Variants in ADGRL2 observed in about 807,000 individuals in gnomAD.
ADGRL2 encodes calcium-independent alpha-latrotoxin receptor 2.
A neutral mutation model predicts 157.4 loss-of-function variants in ADGRL2; 44 were observed. The ratio of observed to expected loss-of-function variants is 0.28; its 90% CI spans 0.22 to 0.36. The LOEUF is 0.36. ADGRL2 is among the 10% of genes least tolerant of loss of function. The pLI, the probability that ADGRL2 is intolerant of heterozygous loss-of-function variation, is 1.00. For missense variants in ADGRL2, 1,510 were observed against 1,768.9 expected (o/e 0.85, Z 2.63); for synonymous variants, 585 against 624.7 (o/e 0.94, Z 0.95).
intron 2 of ADGRL2, among the ~76,000 whole-genome samples, chr1:81,880,241 A>T (rs1363508312): frequency 6.6e-6 from 1 of 152,000 alleles, no homozygotes; most frequent in Non-Finnish European, 1.5e-5. Flanking sequence ...TGCCTCAGAT[A>T]CTCCATCTGT....
intron 1 of ADGRL2, among the ~76,000 whole-genome samples, chr1:81,404,961 A>G (rs1372650490): frequency 6.6e-6 from 1 of 152,204 alleles, no homozygotes; most frequent in African/African-American, 2.4e-5. Context: ...TTTAGCAAAA[A>G]TTCTAAAAGC....
intron 1 of ADGRL2, among the ~76,000 whole-genome samples, chr1:81,747,011 C>T (rs1328948064): frequency 2.1e-5 from 3 of 145,174 alleles, no homozygotes; most frequent in African/African-American, 2.5e-5. Context: ...TGTATACACA[C>T]GTATGTATAC....
intron 11 of ADGRL2, among the ~76,000 whole-genome samples, chr1:81,958,709 C>T (rs1190329345): frequency 6.6e-6 from 1 of 152,092 alleles, no homozygotes; most frequent in African/African-American, 2.4e-5. Flanking sequence ...GGCAGTTGTA[C>T]ACTCTTATGA....
chr1:81,420,248 G>T (rs940032761), intron 1 of ADGRL2, among the ~76,000 whole-genome samples: 2 of 152,100 alleles, frequency 1.3e-5, no homozygotes, highest in Non-Finnish European at 2.9e-5. Flanking sequence ...CAGCATATTG[G>T]ATACTATCCT....
intron 1 of ADGRL2, chr1:81,721,722 C>T: frequency 1.4e-6 from 2 of 1,400,556 alleles, no homozygotes; most frequent in African/African-American, 1.4e-5. Context: ...AACGAGCAGG[C>T]CCTTGTGAAA....
At chr1:81,475,915 A>C (rs2101891682) in intron 2 of ADGRL2, among the ~76,000 whole-genome samples, 1 of 152,310 alleles carries the variant, frequency 6.6e-6, no homozygotes, top group South Asian at 2.1e-4. Flanking sequence ...GGGGGCAAGT[A>C]GCAGGAATAG....
intron 3 of ADGRL2, among the ~76,000 whole-genome samples, chr1:81,662,368 G>C (rs1004113562): frequency 3.4e-5 from 5 of 147,930 alleles, no homozygotes; most frequent in African/African-American, 1.2e-4. Flanking sequence ...CAATTCTCAT[G>C]CCTTAGCCTC....
chr1:81,909,178 G>A (rs1258046313), intron 3 of ADGRL2, among the ~76,000 whole-genome samples: 1 of 151,802 alleles, frequency 6.6e-6, no homozygotes, highest in Non-Finnish European at 1.5e-5. Flanking sequence ...GCATGGCCTT[G>A]TATATCTTTT....
intron 2 of ADGRL2, among the ~76,000 whole-genome samples, chr1:81,887,109 A>G (rs2094144833): frequency 6.6e-6 from 1 of 152,234 alleles, no homozygotes; most frequent in Non-Finnish European, 1.5e-5. Context: ...ATACACTGAT[A>G]CTAAATACGA....
intron 3 of ADGRL2, among the ~76,000 whole-genome samples, chr1:81,601,263 G>C (rs796976715): frequency 2.9e-4 from 44 of 152,286 alleles, no homozygotes; most frequent in African/African-American, 1.0e-3. Context: ...TATAATGTGA[G>C]AATATTAACT....
chr1:81,650,479 G>A (rs983249707), intron 3 of ADGRL2, among the ~76,000 whole-genome samples: 1 of 151,652 alleles, frequency 6.6e-6, no homozygotes, highest in Non-Finnish European at 1.5e-5. Context: ...GGGAGGCTGA[G>A]GCAGGAGAAT....
intron 1 of ADGRL2, among the ~76,000 whole-genome samples, chr1:81,444,134 C>T (rs1250341980): frequency 6.6e-6 from 1 of 152,122 alleles, no homozygotes; most frequent in Non-Finnish European, 1.5e-5. Context: ...CCCTTTTTAC[C>T]AATGGCAGGC....
At chr1:81,346,895 C>T (rs764479812) in intron 1 of ADGRL2, among the ~76,000 whole-genome samples, 1 of 152,176 alleles carries the variant, frequency 6.6e-6, no homozygotes, top group South Asian at 2.1e-4. Context: ...GTGAAAGTGG[C>T]TTTGGAACTT....
At chr1:81,578,198 C>G (rs2080834243) in intron 2 of ADGRL2, among the ~76,000 whole-genome samples, 1 of 152,158 alleles carries the variant, frequency 6.6e-6, no homozygotes, top group African/African-American at 2.4e-5. Flanking sequence ...CCACTCTTAT[C>G]TCACAGGTAA....
chr1:81,433,935 T>C (rs1357886311), intron 1 of ADGRL2, among the ~76,000 whole-genome samples: 2 of 152,192 alleles, frequency 1.3e-5, no homozygotes, highest in Admixed American at 6.5e-5. Flanking sequence ...TGGGACTCTG[T>C]TGACACCTGG....
chr1:81,517,489 A>AAAAAAAT (rs2079206966), intron 2 of ADGRL2, among the ~76,000 whole-genome samples: 3 of 148,064 alleles, frequency 2.0e-5, no homozygotes, highest in African/African-American at 7.6e-5. Flanking sequence ...AAAAAAAAAA[A>AAAAAAAT]GGATGTCAAA....
At chr1:81,898,549 GTAAT>G (rs2094434261) in intron 2 of ADGRL2, among the ~76,000 whole-genome samples, 1 of 152,160 alleles carries the variant, frequency 6.6e-6, no homozygotes, top group South Asian at 2.1e-4. Context: ...ATCTAATTAA[GTAAT>G]TAAAACAAAA....
chr1:81,371,031 G>A, intron 1 of ADGRL2, among the ~76,000 whole-genome samples: 1 of 151,998 alleles, frequency 6.6e-6, no homozygotes, highest in East Asian at 1.9e-4. Flanking sequence ...ATCTATTTAG[G>A]CCATGTGTAC....
At chr1:81,898,958 C>T (rs2026595) in intron 2 of ADGRL2, among the ~76,000 whole-genome samples, 32,607 of 152,018 alleles carry the variant, frequency 0.21, 4,217 homozygotes, top group East Asian at 0.63. Flanking sequence ...TGTTTCAGCA[C>T]GGCGTAGAGT....
Sources: allele counts gnomAD v4.1 joint callset (sites outside exome capture counted in the v4.1 genomes callset), GRCh38; gene constraint gnomAD v4.1.1; transcripts MANE v1.5; gene names NCBI Gene and HGNC (gene_info 2026-07-23, HGNC 2026-07-21).